The following GRAMD1C variants were observed in gnomAD, a reference collection of about 807,000 sequenced individuals.
The protein encoded by GRAMD1C is protein Aster-C.
GRAMD1C carries 89 observed loss-of-function variants against 97.8 expected under a neutral mutation model. The observed-to-expected ratio is 0.91, with a 90% confidence interval of 0.77 to 1.09. The LOEUF (loss-of-function observed/expected upper bound fraction) is 1.09, where lower values mean the gene tolerates loss of function less well. Among genes scored for constraint, GRAMD1C ranks in the 50% least tolerant of loss-of-function variants. GRAMD1C has a pLI of 0.00. For missense variants in GRAMD1C, 740 were observed against 766.4 expected, an observed-to-expected ratio of 0.97 and a Z score of 0.41; for synonymous variants, 256 against 267.0, an observed-to-expected ratio of 0.96 and a Z score of 0.40.
chr3:113,936,179 AT>A, intron 13 of GRAMD1C, 86 bp from the exon 14 acceptor site: 1 of 732,612 alleles, frequency 1.4e-6, no homozygotes, highest in Non-Finnish European at 2.2e-6. Context: ...GTTAAAGAAA[AT>A]TATCAAAAAT....
chr3:113,934,498 T>A lies in GRAMD1C; in HGVS notation c.1419T>A (p.Asn473Lys), dbSNP rs1937540073. The A allele has an allele frequency of 6.3e-7, 1 of 1,582,090 alleles. No individual in the cohort carries two copies. The highest frequency in any genetic ancestry group is 1.7e-5 in the Admixed American group (1 of 57,868). The change falls in exon 13 of 18, where the codon AAT becomes AAA. Residue 473 changes from asparagine (N) to lysine (K), a missense_variant. Transcript: ENST00000358160. ...TTGTCAAATCTTTAATTGAAAAGAA[T>A]TCCTGGAGTTCTTTGGAGGACTATT... Reference protein sequence around the residue: ...WGLVKSLIEKNSWSSLEDYFK... With the variant: ...WGLVKSLIEKKSWSSLEDYFK...
chr3:113,908,414 C>T (rs1289727306), intron 8 of GRAMD1C, among the ~76,000 whole-genome samples: 1 of 152,158 alleles, frequency 6.6e-6, no homozygotes, highest in African/African-American at 2.4e-5. Flanking sequence ...CCCTTTGCAG[C>T]AAAGCCAATT....
intron 2 of GRAMD1C, among the ~76,000 whole-genome samples, chr3:113,864,775 C>G (rs2107360226): frequency 6.6e-6 from 1 of 152,288 alleles, no homozygotes; most frequent in South Asian, 2.1e-4. Flanking sequence ...TTCTTGTTTT[C>G]TAAGCCATCA....
At chr3:113,912,318 T>G (rs1936632887) in intron 9 of GRAMD1C, among the ~76,000 whole-genome samples, 1 of 152,230 alleles carries the variant, frequency 6.6e-6, no homozygotes, top group Non-Finnish European at 1.5e-5. Context: ...CCATTTTATG[T>G]AGATGTAAGT....
At chr3:113,847,275 G>T (rs897957404) in intron 2 of GRAMD1C, among the ~76,000 whole-genome samples, 1 of 152,054 alleles carries the variant, frequency 6.6e-6, no homozygotes, top group Non-Finnish European at 1.5e-5. Context: ...CATTACAAGA[G>T]ACATGAAAGG....
chr3:113,910,855 T>G (rs1249480602), intron 9 of GRAMD1C, among the ~76,000 whole-genome samples: 1 of 152,092 alleles, frequency 6.6e-6, no homozygotes, highest in Non-Finnish European at 1.5e-5. Context: ...TGTGGGCACC[T>G]AGATCCAGAG....
At chr3:113,853,057 T>G (rs1479422371) in intron 2 of GRAMD1C, among the ~76,000 whole-genome samples, 1 of 151,962 alleles carries the variant, frequency 6.6e-6, no homozygotes, top group African/African-American at 2.4e-5. Flanking sequence ...TTATACCAAA[T>G]AAAGACTACG....
intron 10 of GRAMD1C, among the ~76,000 whole-genome samples, chr3:113,921,188 C>T (rs139822671): frequency 2.6e-5 from 4 of 152,280 alleles, no homozygotes; most frequent in Admixed American, 2.6e-4. Context: ...TGCAGTAGTT[C>T]GCTCAGGATA....
chr3:113,836,035 G>A (rs961744693), upstream of GRAMD1C, among the ~76,000 whole-genome samples: 7 of 152,102 alleles, frequency 4.6e-5, no homozygotes, highest in Admixed American at 3.9e-4. Context: ...AGGTTGTGGC[G>A]GGTGGATCAC....
chr3:113,885,251 G>A (rs1935424936), intron 6 of GRAMD1C: 2 of 1,173,994 alleles, frequency 1.7e-6, no homozygotes, highest in Admixed American at 2.0e-5. Context: ...GGCTGGCGGA[G>A]CTGGGCCGTG....
chr3:113,909,245 A>T, intron 9 of GRAMD1C, 125 bp downstream of exon 9: 1 of 431,866 alleles, frequency 2.3e-6, no homozygotes, highest in South Asian at 7.0e-5. Flanking sequence ...TAAAGAAACA[A>T]AAAAAGAATG....
chr3:113,857,593 G>A (rs1577132337), intron 2 of GRAMD1C, among the ~76,000 whole-genome samples: 1 of 152,022 alleles, frequency 6.6e-6, no homozygotes, highest in African/African-American at 2.4e-5. Flanking sequence ...AGCCAGGATG[G>A]TCTCGATCGC....
intron 9 of GRAMD1C, among the ~76,000 whole-genome samples, chr3:113,915,095 T>C (rs369587538): frequency 7.9e-5 from 12 of 152,346 alleles, no homozygotes; most frequent in African/African-American, 2.9e-4. Context: ...TAATAATTCA[T>C]TGGGCATTTG....
At chr3:113,908,763 G>A (rs1936455982) in intron 8 of GRAMD1C, among the ~76,000 whole-genome samples, 195 bp from the exon 9 acceptor site, 1 of 152,016 alleles carries the variant, frequency 6.6e-6, no homozygotes, top group Non-Finnish European at 1.5e-5. Context: ...ACTTTAGAAT[G>A]GTATATATTA....
At chr3:113,852,087 T>G (rs1481048425) in intron 2 of GRAMD1C, among the ~76,000 whole-genome samples, 1 of 152,112 alleles carries the variant, frequency 6.6e-6, no homozygotes, top group Non-Finnish European at 1.5e-5. Flanking sequence ...CAGGTAAATT[T>G]TTCTACTGAG....
intron 13 of GRAMD1C, among the ~76,000 whole-genome samples, chr3:113,936,044 G>A (rs1384448434): frequency 2.0e-5 from 3 of 152,022 alleles, no homozygotes; most frequent in Non-Finnish European, 1.5e-5. Context: ...GCTCTGATGA[G>A]CCCATCATTT....
intron 2 of GRAMD1C, chr3:113,850,732 C>G (rs768990947): frequency 1.0e-4 from 151 of 1,496,552 alleles, no homozygotes; most frequent in Non-Finnish European, 1.3e-4. Context: ...GCATCAACAT[C>G]TCCGCTGCTG....
chr3:113,896,786 A>G (rs1260232218), intron 6 of GRAMD1C, among the ~76,000 whole-genome samples: 1 of 152,202 alleles, frequency 6.6e-6, no homozygotes, highest in African/African-American at 2.4e-5. Flanking sequence ...TTCATCAAGT[A>G]GCCTTTGATT....
intron 8 of GRAMD1C, among the ~76,000 whole-genome samples, chr3:113,905,042 G>A (rs1405824565): frequency 1.3e-5 from 2 of 152,088 alleles, no homozygotes; most frequent in African/African-American, 4.8e-5. Flanking sequence ...CATCATGTTG[G>A]CTAGGCTGGT....
Sources: allele counts gnomAD v4.1 joint callset (sites outside exome capture counted in the v4.1 genomes callset), GRCh38; gene constraint gnomAD v4.1.1; transcripts MANE v1.5; gene names NCBI Gene and HGNC (gene_info 2026-07-23, HGNC 2026-07-21).